Variants in RAPGEF5 observed in about 807,000 individuals in gnomAD.
RAPGEF5 encodes the protein Rap guanine nucleotide exchange factor 5, also known as M-Ras-regulated GEF.
Under a neutral mutation model 125.2 loss-of-function variants are expected in RAPGEF5, and 65 were observed. The observed-to-expected ratio is 0.52, with a 90% CI of 0.43 to 0.64. RAPGEF5 has a LOEUF of 0.64. Among genes scored for constraint, RAPGEF5 ranks in the 30% least tolerant of loss-of-function variants. The probability of loss-of-function intolerance (pLI) is 0.00; values close to 1 mark genes in which losing one functional copy is unlikely to be tolerated. For synonymous variants in RAPGEF5, 391 were observed against 385.9 expected, an observed-to-expected ratio of 1.01 and a Z score of -0.16; for missense variants, 958 against 1,048.1, an observed-to-expected ratio of 0.91 and a Z score of 1.19.
chr7:22,293,080 A>G (rs569569927), intron 5 of RAPGEF5, among the ~76,000 whole-genome samples: 64 of 152,334 alleles, frequency 4.2e-4, no homozygotes, highest in African/African-American at 1.5e-3. Flanking sequence ...TATGTGTAAG[A>G]GGGACAGAGT....
intron 7 of RAPGEF5, among the ~76,000 whole-genome samples, chr7:22,243,335 C>A (rs1320985183): frequency 1.3e-5 from 2 of 152,206 alleles, no homozygotes; most frequent in Non-Finnish European, 2.9e-5. Flanking sequence ...CAGCTCACTG[C>A]AACCACTGTC....
intron 6 of RAPGEF5, among the ~76,000 whole-genome samples, chr7:22,279,145 T>C (rs996434029): frequency 1.3e-5 from 2 of 152,102 alleles, no homozygotes; most frequent in Middle Eastern, 3.2e-3. Flanking sequence ...CTAGTAATAG[T>C]TTTTTGGAAG....
chr7:22,264,888 C>T (rs865810976), intron 7 of RAPGEF5, among the ~76,000 whole-genome samples: 1 of 152,184 alleles, frequency 6.6e-6, no homozygotes, highest in Admixed American at 6.5e-5. Flanking sequence ...CCAACTTGTA[C>T]GGACTGTACA....
chr7:22,130,157 T>G lies in RAPGEF5; in HGVS notation c.2481+880A>C, dbSNP rs1583387903. On this transcript the variant is annotated intron_variant, in intron 24 of 25. Transcript: ENST00000665637. ...AAAGGTCAGGATCTGTGGAGCAGGGTTACTGGTATCGTCTTTAACCATGAA... is the reference window on the plus strand; with the variant it reads ...AAAGGTCAGGATCTGTGGAGCAGGGGTACTGGTATCGTCTTTAACCATGAA... 2.0e-5 allele frequency among the ~76,000 whole-genome samples: 3 copies of G among 152,296 alleles called. No individual in the cohort carries two copies. The East Asian group carries it at 5.8e-4, about 29-fold the overall frequency.
chr7:22,316,797 C>T (rs2461495), intron 2 of RAPGEF5, among the ~76,000 whole-genome samples: 3,662 of 151,408 alleles, frequency 0.024, 154 homozygotes, highest in African/African-American at 0.084. Context: ...TGCACCTGGC[C>T]GAAAAATTTG....
intron 1 of RAPGEF5, among the ~76,000 whole-genome samples, chr7:22,320,290 C>T (rs571927088): frequency 1.3e-5 from 2 of 152,290 alleles, no homozygotes; most frequent in South Asian, 4.1e-4. Flanking sequence ...CAAGCACTGA[C>T]TCCCTAAACT....
At chr7:22,288,555 C>A (rs1187368372) in intron 6 of RAPGEF5, among the ~76,000 whole-genome samples, 2 of 149,694 alleles carry the variant, frequency 1.3e-5, no homozygotes, top group Non-Finnish European at 3.0e-5. Flanking sequence ...CGGAGTCTCG[C>A]TCTTTCGCCC....
In RAPGEF5 at chr7:22,175,483, C is replaced by T. The variant is rs962435021; in HGVS notation, c.1205-8335G>A. 2.0e-5 allele frequency among the ~76,000 whole-genome samples: 3 copies of T among 152,212 alleles called. No individual in the cohort carries two copies. In the East Asian group the frequency reaches 5.8e-4, roughly 29 times the overall value. ...ATGAAAAATTTCTCAATAATCAATA[C>T]AATTATCATTTTATTTAACTGTACA... On this transcript the variant is annotated intron_variant, in intron 11 of 25. Coordinates refer to ENST00000665637, the MANE Select transcript of RAPGEF5 (RefSeq NM_012294.5).
chr7:22,229,940 A>G (rs958509318), intron 8 of RAPGEF5, among the ~76,000 whole-genome samples: 8 of 152,232 alleles, frequency 5.3e-5, no homozygotes, highest in African/African-American at 1.9e-4. Context: ...ACACAGTTAT[A>G]TAATCATTGC....
intron 11 of RAPGEF5, among the ~76,000 whole-genome samples, chr7:22,171,044 T>G (rs1361659201): frequency 6.6e-6 from 1 of 151,754 alleles, no homozygotes; most frequent in Non-Finnish European, 1.5e-5. Context: ...TTTTCTGCTG[T>G]GCAGATTCTG....
chr7:22,258,979 G>A (rs187468205), intron 7 of RAPGEF5, among the ~76,000 whole-genome samples: 2 of 152,108 alleles, frequency 1.3e-5, no homozygotes, highest in East Asian at 1.9e-4. Context: ...ATATAAAACC[G>A]AAGGCATGAC....
chr7:22,158,090 G>A (rs957841566), intron 14 of RAPGEF5, among the ~76,000 whole-genome samples: 8 of 152,176 alleles, frequency 5.3e-5, no homozygotes, highest in Non-Finnish European at 1.0e-4. Context: ...AAGAAGTTAT[G>A]GATTCAACAG....
intron 6 of RAPGEF5, among the ~76,000 whole-genome samples, chr7:22,273,171 G>A (rs1229930814): frequency 6.8e-6 from 1 of 147,674 alleles, no homozygotes; most frequent in African/African-American, 2.5e-5. Context: ...ATGATAAAAT[G>A]TATCTATCCT....
chr7:22,230,141 A>T (rs1786022606), intron 8 of RAPGEF5, among the ~76,000 whole-genome samples: 1 of 152,240 alleles, frequency 6.6e-6, no homozygotes. Context: ...TGGTAAATAC[A>T]CTGAGCTGGG....
At chr7:22,127,040 C>CTT (rs11460551) in intron 24 of RAPGEF5, among the ~76,000 whole-genome samples, 2,689 of 132,790 alleles carry the variant, frequency 0.02, 120 homozygotes, top group African/African-American at 0.063. Flanking sequence ...CAAAAGTCTT[C>CTT]TTTTTTTTTT....
intron 6 of RAPGEF5, among the ~76,000 whole-genome samples, chr7:22,287,814 G>A (rs183748357): frequency 2.0e-5 from 3 of 152,308 alleles, no homozygotes; most frequent in African/African-American, 7.2e-5. Context: ...AATGCTTCTA[G>A]AATGAACAAT....
intron 7 of RAPGEF5, among the ~76,000 whole-genome samples, chr7:22,232,668 T>C (rs930138733): frequency 1.3e-5 from 2 of 152,180 alleles, no homozygotes; most frequent in African/African-American, 4.8e-5. Flanking sequence ...TTTTAAAATA[T>C]CATTTCATGT....
intron 7 of RAPGEF5, among the ~76,000 whole-genome samples, chr7:22,263,514 G>A (rs2128141062): frequency 6.6e-6 from 1 of 152,274 alleles, no homozygotes; most frequent in East Asian, 1.9e-4. Context: ...TGGATCACCT[G>A]AGGTCAAGAG....
chr7:22,135,724 C>T (rs762738444), intron 23 of RAPGEF5, among the ~76,000 whole-genome samples: 37 of 152,060 alleles, frequency 2.4e-4, no homozygotes, highest in Non-Finnish European at 8.8e-5. Flanking sequence ...TGGTTGAATT[C>T]GGTGGATTGT....
Sources: allele counts gnomAD v4.1 joint callset (sites outside exome capture counted in the v4.1 genomes callset), GRCh38; gene constraint gnomAD v4.1.1; transcripts MANE v1.5; gene names NCBI Gene and HGNC (gene_info 2026-07-23, HGNC 2026-07-21).